TICRR: variants seen among roughly 807,000 people sequenced by gnomAD.
The protein encoded by TICRR is treslin.
In TICRR, 132 loss-of-function variants were observed where a neutral mutation model predicts 178.1. The observed-to-expected ratio is 0.74, with a 90% CI of 0.64 to 0.86. The LOEUF (loss-of-function observed/expected upper bound fraction) is 0.86, where lower values mean the gene tolerates loss of function less well. TICRR is among the 40% of genes least tolerant of loss of function. The pLI, the probability that TICRR is intolerant of heterozygous loss-of-function variation, is 0.00. For missense variants in TICRR, 2,587 were observed against 2,334.3 expected (o/e 1.11, Z -2.23); for synonymous variants, 991 against 900.7 (o/e 1.10, Z -1.79).
At chr15:89,597,923 T>A (rs1364069109) in intron 7 of TICRR, among the ~76,000 whole-genome samples, 6 of 152,344 alleles carry the variant, frequency 3.9e-5, no homozygotes, top group Middle Eastern at 3.4e-3. Context: ...TTTGTAGTTT[T>A]CCGCATATAG....
At position 89,575,550 on chromosome 15, in the gene TICRR, G is replaced by A. The variant is rs1322104097; in HGVS notation, c.-37G>A. The A allele has an allele frequency of 5.5e-6, 8 of 1,446,322 alleles. No homozygotes were observed. Among genetic ancestry groups the A allele is most frequent in the East Asian group, 2.6e-5 (1 of 38,796 alleles). 89.6% of individuals were successfully genotyped at this position (1,446,322 alleles called of 1,614,324 possible). ...AAGGGACTAAGGGACGGTGGCGCGG[G>A]CCCGGACCGGGGCCCCGGGGCGGCG... is the stretch of plus-strand genomic sequence containing the variant. On this transcript the variant is annotated 5_prime_UTR_variant, in exon 1 of 22. Transcript: ENST00000268138.
intron 1 of TICRR, among the ~76,000 whole-genome samples, chr15:89,579,399 G>T (rs1295704223): frequency 6.6e-6 from 1 of 152,156 alleles, no homozygotes; most frequent in Non-Finnish European, 1.5e-5. Context: ...AGGCTGGAGT[G>T]CAGTGGCGCA....
chr15:89,625,888 C>G, intron 20 of TICRR, 48 bp from the exon 21 acceptor site: 1 of 1,542,580 alleles, frequency 6.5e-7, no homozygotes, highest in Non-Finnish European at 8.7e-7. Flanking sequence ...CTGGGCTTCC[C>G]GGTTGGGGGT....
At chr15:89,621,623 T>G in intron 19 of TICRR, 73 bp downstream of exon 19, 1 of 1,321,082 alleles carries the variant, frequency 7.6e-7, no homozygotes. Flanking sequence ...GAACTCAGAG[T>G]CCATTAGGGA....
chr15:89,579,928 T>C (rs1962694204), intron 1 of TICRR: 1 of 152,250 alleles, frequency 6.6e-6, no homozygotes, highest in Non-Finnish European at 1.5e-5. Flanking sequence ...TCAGCTATTC[T>C]GTTGTAAGCA....
At chr15:89,596,133 AT>A (rs920915355) in intron 7 of TICRR, among the ~76,000 whole-genome samples, 8 of 152,280 alleles carry the variant, frequency 5.3e-5, no homozygotes, top group African/African-American at 1.9e-4. Context: ...TGGGCAAATG[AT>A]TTTTGACAAA....
Position 89,625,678 on chromosome 15 carries a change from A to G in TICRR, c.5368A>G (p.Ile1790Val), listed in dbSNP as rs754986429. 2 of 1,613,752 alleles carry G rather than the reference A, an allele frequency of 1.2e-6. No individual in the cohort carries two copies. The highest frequency in any genetic ancestry group is 8.5e-7 in the Non-Finnish European group (1 of 1,180,020). ...AGAAGCTGACCGTGGAGCCAAAAGG[A>G]TCTGTGACCTGAGAGAAGATTCAGA... Reference protein sequence around the residue: ...KEEADRGAKRICDLREDSEVS... With the variant: ...KEEADRGAKRVCDLREDSEVS... The change falls in exon 20 of 22, where the codon ATC (isoleucine) becomes GTC (valine). Residue 1790 changes from isoleucine to valine, a missense_variant. Physicochemically the swap from Ile to Val is conservative, Grantham distance 29 (BLOSUM62 3). Transcript: ENST00000268138.
At chr15:89,622,298 C>G (rs1217411977) in intron 19 of TICRR, among the ~76,000 whole-genome samples, 1 of 152,008 alleles carries the variant, frequency 6.6e-6, no homozygotes, top group Non-Finnish European at 1.5e-5. Context: ...CAAACTGACT[C>G]TTGTACCCAC....
In TICRR at chr15:89,582,586, T is replaced by G. The variant is rs888730731; in HGVS notation, c.655-100T>G. On this transcript the variant is annotated intron_variant, in intron 1 of 21. Coordinates refer to ENST00000268138, the MANE Select transcript of TICRR (RefSeq NM_152259.4). ...TACATTGGTTGTGTAATTCGATCCTTTAATATTGGTATCAACTTTACTTTC... is the reference window on the plus strand; with the variant it reads ...TACATTGGTTGTGTAATTCGATCCTGTAATATTGGTATCAACTTTACTTTC... The G allele has an allele frequency of 1.6e-5, 18 of 1,100,392 alleles. No homozygotes were observed. The South Asian group carries it at 2.4e-4, about 15-fold the overall frequency. The allele number at this position is 1,100,392 out of a possible 1,614,324, so 68.2% of individuals were successfully genotyped here.
intron 13 of TICRR, among the ~76,000 whole-genome samples, chr15:89,604,222 G>A (rs771214574): frequency 9.2e-5 from 14 of 152,194 alleles, no homozygotes; most frequent in Non-Finnish European, 1.3e-4. Flanking sequence ...TCTGTTTCTA[G>A]ATATTTGTAG....
chr15:89,592,295 AC>A (rs1962926495), intron 5 of TICRR, 119 bp downstream of exon 5: 1 of 773,180 alleles, frequency 1.3e-6, no homozygotes, highest in Non-Finnish European at 1.9e-6. Flanking sequence ...AAAAGTAGTT[AC>A]AAAAATAAAA....
chr15:89,612,647 G>A (rs980771813), intron 15 of TICRR, among the ~76,000 whole-genome samples: 14 of 152,182 alleles, frequency 9.2e-5, no homozygotes, highest in African/African-American at 3.4e-4. Flanking sequence ...AAGTTGCCAG[G>A]TTCCAAAATA....
intron 4 of TICRR, 51 bp downstream of exon 4, chr15:89,585,993 T>C (rs1295865959): frequency 7.4e-6 from 11 of 1,477,314 alleles, no homozygotes; most frequent in Non-Finnish European, 1.0e-5. Context: ...TTGCAGTCTT[T>C]TCAAGCATCG....
Position 89,624,065 on chromosome 15 carries a change from C to G in TICRR, c.3755C>G (p.Pro1252Arg), listed in dbSNP as rs757288138. The G allele has an allele frequency of 6.2e-7, 1 of 1,613,996 alleles. No homozygotes were observed. The change falls in exon 20 of 22, where the codon CCG becomes CGG. Residue 1252 changes from proline (P) to arginine (R), a missense_variant. Transcript: ENST00000268138. Reference sequence around the variant, plus strand: ...ATCAGAGACCCTCTCAGAACACCTCCGAGAGCAGCAGCCTTCATGGGCACG... The same window carrying G: ...ATCAGAGACCCTCTCAGAACACCTCGGAGAGCAGCAGCCTTCATGGGCACG... ...TPIRDPLRTP[P>R]RAAAFMGTPQ...
chr15:89,608,645 A>T, intron 14 of TICRR, 158 bp from the exon 15 acceptor site: 1 of 543,482 alleles, frequency 1.8e-6, no homozygotes, highest in Non-Finnish European at 3.0e-6. Context: ...GCATTATGGG[A>T]ATATGCTATT....
rs531356098 is a variant in TICRR, at chr15:89,595,108, A to G, written c.1682-285A>G. Among the ~76,000 whole-genome samples the G allele has an allele frequency of 6.6e-5, 10 of 152,336 alleles. No individual in the cohort carries two copies. The East Asian group carries it at 1.9e-3, about 29-fold the overall frequency. ...TTCGTGGCCATTGGGTAACACCAAAATAAGTCTGTTTGGCATTTGCCTTAT... is the reference window on the plus strand; with the variant it reads ...TTCGTGGCCATTGGGTAACACCAAAGTAAGTCTGTTTGGCATTTGCCTTAT... On this transcript the variant is annotated intron_variant, in intron 6 of 21. Coordinates refer to ENST00000268138, the MANE Select transcript of TICRR (RefSeq NM_152259.4).
At chr15:89,618,101 G>C (rs1272717349) in intron 16 of TICRR, 51 bp from the exon 17 acceptor site, 2 of 1,562,540 alleles carry the variant, frequency 1.3e-6, no homozygotes, top group East Asian at 4.5e-5. Flanking sequence ...TCCTTAATAA[G>C]TGTTAATTAC....
rs759463753 is a variant in TICRR at position 89,624,054 on chromosome 15, C to G, written c.3744C>G (p.Leu1248=). 4.3e-6 allele frequency: 7 copies of G among 1,613,918 alleles called. No homozygotes were observed. In the African/African-American group the frequency reaches 9.4e-5, roughly 22 times the overall value. ...RECLTPIRDP[L]RTPPRAAAFM... ...GTCTCACTCCCATCAGAGACCCTCT[C>G]AGAACACCTCCGAGAGCAGCAGCCT... is the stretch of plus-strand genomic sequence containing the variant. The change falls in exon 20 of 22, where the codon CTC becomes CTG. Residue 1248 remains leucine, a synonymous_variant. Transcript: ENST00000268138.
intron 19 of TICRR, 136 bp downstream of exon 19, chr15:89,621,686 G>GAGCC: frequency 2.8e-6 from 2 of 720,496 alleles, no homozygotes; most frequent in Non-Finnish European, 4.4e-6. Flanking sequence ...TGACTGGGTG[G>GAGCC]AGCCACATGA....
Sources: allele counts gnomAD v4.1 joint callset (sites outside exome capture counted in the v4.1 genomes callset), GRCh38; gene constraint gnomAD v4.1.1; transcripts MANE v1.5; gene names NCBI Gene and HGNC (gene_info 2026-07-23, HGNC 2026-07-21).